The following LARP4B variants were observed in gnomAD, a reference collection of about 807,000 sequenced individuals.
The protein encoded by LARP4B is la-related protein 4B.
A neutral mutation model predicts 89.8 loss-of-function variants in LARP4B; 12 were observed. The ratio of observed to expected loss-of-function variants is 0.13; its 90% CI spans 0.09 to 0.22. The LOEUF (loss-of-function observed/expected upper bound fraction) is 0.22. Ranked by LOEUF, LARP4B falls within the 10% of genes least tolerant of loss-of-function variation. The pLI is 1.00. For synonymous variants in LARP4B, 367 were observed against 363.3 expected (o/e 1.01, Z -0.12); for missense variants, 757 against 947.7 (o/e 0.80, Z 2.64).
intron 8 of LARP4B, among the ~76,000 whole-genome samples, chr10:832,897 T>C (rs1832983482): frequency 6.6e-6 from 1 of 152,182 alleles, no homozygotes; most frequent in African/African-American, 2.4e-5. Flanking sequence ...TGAATAAATA[T>C]AAAACATGTT....
Position 929,775 on chromosome 10 carries a change from AAAT to A in LARP4B, c.-40+1650_-40+1652del, listed in dbSNP as rs376226478. Among the ~76,000 whole-genome samples, 429 of 152,346 alleles carry A rather than the reference AAAT, an allele frequency of 2.8e-3. 5 individuals carry two copies. The highest frequency in any genetic ancestry group is 1.0e-2 in the African/African-American group (415 of 41,574). On this transcript the variant is annotated intron_variant, in intron 1 of 17. Coordinates refer to ENST00000316157, the MANE Select transcript of LARP4B (RefSeq NM_015155.3). ...AATAAGCCATGCCTTTGTTTCATATAAATAAGTCAACTCAACTCACATTAACTT... is the reference window on the plus strand; with the variant it reads ...AATAAGCCATGCCTTTGTTTCATATAAAGTCAACTCAACTCACATTAACTT...
intron 1 of LARP4B, among the ~76,000 whole-genome samples, chr10:914,971 TA>T (rs1375936181): frequency 6.6e-6 from 1 of 152,190 alleles, no homozygotes; most frequent in African/African-American, 2.4e-5. Context: ...TTAGTTTTGC[TA>T]AAATTGAACA....
intron 3 of LARP4B, chr10:872,902 G>T: frequency 7.0e-6 from 2 of 287,650 alleles, no homozygotes; most frequent in Non-Finnish European, 1.0e-5. Flanking sequence ...ATGACTGCTT[G>T]GGTCTATGAC....
chr10:912,701 G>A lies in LARP4B; in HGVS notation c.-40+18727C>T, dbSNP rs1261240529. On this transcript the variant is annotated intron_variant, in intron 1 of 17. Coordinates refer to ENST00000316157, the MANE Select transcript of LARP4B (RefSeq NM_015155.3). ...AGCCTGGGCAACATGGAGAAACCTC[G>A]TCTTGACAAAAAAAAAAAAAAAAAA... 8.1e-5 allele frequency among the ~76,000 whole-genome samples: 9 copies of A among 111,220 alleles called. No homozygotes were observed. In the Admixed American group the frequency reaches 1.0e-3, roughly 13 times the overall value. 73.0% of individuals were successfully genotyped at this position (111,220 alleles called of 152,430 possible).
At chr10:924,923 G>C (rs1837095374) in intron 1 of LARP4B, among the ~76,000 whole-genome samples, 1 of 152,184 alleles carries the variant, frequency 6.6e-6, no homozygotes, top group Non-Finnish European at 1.5e-5. Flanking sequence ...TTGTTCTAAG[G>C]CTTAGGTTCA....
intron 5 of LARP4B, among the ~76,000 whole-genome samples, chr10:859,480 G>C (rs903241055): frequency 1.1e-4 from 17 of 152,116 alleles, no homozygotes; most frequent in African/African-American, 4.1e-4. Flanking sequence ...GCTTTCTACA[G>C]AACTAAACAT....
rs1831663930 is a variant in LARP4B, at chr10:809,534, A to G, written c.*3392T>C. 1 of 152,292 alleles carries G rather than the reference A, an allele frequency of 6.6e-6. No individual in the cohort carries two copies. Among genetic ancestry groups the G allele is most frequent in the Admixed American group, 6.5e-5 (1 of 15,292 alleles). The allele number at this position is 152,292 out of a possible 1,614,324, so 9.4% of individuals were successfully genotyped here. A position where few individuals can be genotyped will look rare whatever the true frequency, so the allele number is the denominator to read the frequency against. On this transcript the variant is annotated 3_prime_UTR_variant, in exon 18 of 18. Transcript: ENST00000316157. ...GAAATTTTAATTTAAAAAAAATCAA[A>G]AGAAAAATTGAACAGTGCCTAAATC... is the stretch of plus-strand genomic sequence containing the variant.
chr10:946,327 CTT>C, the LARP4B span, among the ~76,000 whole-genome samples: 1,379 of 152,316 alleles, frequency 9.1e-3, 21 homozygotes, highest in African/African-American at 0.031. Flanking sequence ...CTGTGGGAAA[CTT>C]TCTAGGAGCT....
chr10:941,331 T>G, the LARP4B span, among the ~76,000 whole-genome samples: 2 of 127,150 alleles, frequency 1.6e-5, no homozygotes, highest in Non-Finnish European at 1.7e-5. Flanking sequence ...TTGTTTGTTT[T>G]GAGACGGAGT....
chr10:860,021 T>C (rs933826981), intron 5 of LARP4B, among the ~76,000 whole-genome samples: 3 of 148,530 alleles, frequency 2.0e-5, no homozygotes, highest in Non-Finnish European at 3.0e-5. Context: ...ATGTAAACTG[T>C]AGACTCCAGG....
In LARP4B at chr10:930,171, C is replaced by T. The variant is rs1837259090; in HGVS notation, c.-40+1257G>A. On this transcript the variant is annotated intron_variant, in intron 1 of 17. Transcript: ENST00000316157. ...ACTGTGGTCTTCACAAACTACAACT[C>T]AGCACCTATTTCAAGTGCATTTAAA... Among the ~76,000 whole-genome samples, 6 of 151,914 alleles carry T rather than the reference C, an allele frequency of 3.9e-5. 2 individuals carry two copies. The South Asian group carries it at 1.2e-3, about 32-fold the overall frequency.
chr10:884,301 TGGTGATGAA>T, intron 3 of LARP4B, 137 bp downstream of exon 3: 1 of 687,602 alleles, frequency 1.5e-6, no homozygotes, highest in South Asian at 1.6e-5. Context: ...CCAGGGGTTG[TGGTGATGAA>T]TGGATCCCCT....
intron 1 of LARP4B, among the ~76,000 whole-genome samples, chr10:900,700 AC>A (rs1320150576): frequency 2.7e-5 from 4 of 148,458 alleles, no homozygotes; most frequent in African/African-American, 7.5e-5. Flanking sequence ...GCTCACTGTA[AC>A]CCCTGCCTCC....
chr10:870,042 A>C (rs1368129354), intron 3 of LARP4B: 13 of 985,636 alleles, frequency 1.3e-5, no homozygotes, highest in Non-Finnish European at 1.6e-5. Context: ...TGCCATCCCC[A>C]AACAACACCG....
the LARP4B span, among the ~76,000 whole-genome samples, chr10:955,798 A>T: frequency 6.0e-5 from 9 of 149,302 alleles, no homozygotes; most frequent in South Asian, 1.5e-3. The surrounding 1 kb of genome is among the most constrained non-coding windows in gnomAD (Gnocchi z 5.2). Context: ...ACTGTTAATT[A>T]AAAAAAAAAG....
intron 3 of LARP4B, chr10:870,109 C>T: frequency 1.1e-6 from 1 of 922,274 alleles, no homozygotes; most frequent in African/African-American, 1.8e-5. Context: ...TTTCCAAGGC[C>T]TGTGGCTTAT....
At chr10:974,100 T>C in the LARP4B span, among the ~76,000 whole-genome samples, 1 of 152,268 alleles carries the variant, frequency 6.6e-6, no homozygotes, top group South Asian at 2.1e-4. Flanking sequence ...TGAGCCTGCT[T>C]CTGCACAGCT....
chr10:949,461 A>G, the LARP4B span, among the ~76,000 whole-genome samples: 1 of 148,730 alleles, frequency 6.7e-6, no homozygotes, highest in African/African-American at 2.5e-5. Context: ...AGTGATCTCC[A>G]ACCTGTTTTC....
chr10:924,714 C>A (rs894470268), intron 1 of LARP4B, among the ~76,000 whole-genome samples: 1 of 152,230 alleles, frequency 6.6e-6, no homozygotes, highest in African/African-American at 2.4e-5. Context: ...AACCTCGGTG[C>A]CACCATCACA....
Sources: allele counts gnomAD v4.1 joint callset (sites outside exome capture counted in the v4.1 genomes callset), GRCh38; gene constraint gnomAD v4.1.1; non-coding constraint Gnocchi (gnomAD v3.1); transcripts MANE v1.5; gene names NCBI Gene and HGNC (gene_info 2026-07-23, HGNC 2026-07-21).